TMEM132D: variants seen among roughly 807,000 people sequenced by gnomAD.
TMEM132D encodes transmembrane protein 132D, also known as mature OL transmembrane protein.
In TMEM132D, 21 loss-of-function variants were observed where a neutral mutation model predicts 62.3. That is an observed-to-expected ratio of 0.34 (90% CI 0.24 to 0.49). The LOEUF is 0.49. Ranked by LOEUF, TMEM132D falls within the 20% of genes least tolerant of loss-of-function variation. The pLI is 0.99. For synonymous variants in TMEM132D, 621 were observed against 575.6 expected, an observed-to-expected ratio of 1.08 and a Z score of -1.13; for missense variants, 1,346 against 1,402.8, an observed-to-expected ratio of 0.96 and a Z score of 0.65.
intron 2 of TMEM132D, among the ~76,000 whole-genome samples, chr12:129,568,523 T>C (rs1877427601): frequency 6.6e-6 from 1 of 152,206 alleles, no homozygotes; most frequent in Non-Finnish European, 1.5e-5. Flanking sequence ...TGTGAATGCA[T>C]CTGTTGCTTT....
intron 2 of TMEM132D, among the ~76,000 whole-genome samples, chr12:129,598,749 T>C (rs1261840652): frequency 6.6e-6 from 1 of 152,178 alleles, no homozygotes; most frequent in African/African-American, 2.4e-5. Context: ...AGATCTATGT[T>C]TTGGTAACGA....
rs530786594 is a variant in TMEM132D at position 129,377,396 on chromosome 12, A to T, written c.1116-39579T>A. On this transcript the variant is annotated intron_variant, in intron 3 of 8. Coordinates refer to ENST00000422113, the MANE Select transcript of TMEM132D (RefSeq NM_133448.3). Reference sequence around the variant, plus strand: ...GCTTCTTTGGGGTTTGGGCATTTCCAAGGTGTCATAATTCAAGATGGGGTG... The same window carrying T: ...GCTTCTTTGGGGTTTGGGCATTTCCTAGGTGTCATAATTCAAGATGGGGTG... Among the ~76,000 whole-genome samples the T allele has an allele frequency of 1.4e-4, 22 of 152,312 alleles. No homozygotes were observed. The South Asian group carries it at 4.6e-3, about 32-fold the overall frequency.
intron 4 of TMEM132D, among the ~76,000 whole-genome samples, chr12:129,275,938 T>C (rs767426949): frequency 1.3e-5 from 2 of 152,174 alleles, no homozygotes; most frequent in Non-Finnish European, 2.9e-5. Flanking sequence ...ATTTGGTAGA[T>C]AGGAACAGCG....
At chr12:129,348,969 T>C (rs1002879388) in intron 3 of TMEM132D, among the ~76,000 whole-genome samples, 4 of 152,162 alleles carry the variant, frequency 2.6e-5, no homozygotes, top group Non-Finnish European at 5.9e-5. Flanking sequence ...TTTTCACCCA[T>C]TGTAATGGGC....
chr12:129,614,135 T>C (rs542753504), intron 2 of TMEM132D, among the ~76,000 whole-genome samples: 125 of 152,178 alleles, frequency 8.2e-4, no homozygotes, highest in African/African-American at 2.9e-3. Flanking sequence ...CCCAGGGTAC[T>C]GTCTGGAGAA....
At chr12:129,199,102 CTTTTTTTTTT>C (rs58775767) in intron 5 of TMEM132D, among the ~76,000 whole-genome samples, 1 of 95,830 alleles carries the variant, frequency 1.0e-5, no homozygotes, top group East Asian at 3.4e-4. Context: ...GTCCATCTAC[CTTTTTTTTTT>C]TTTTTTTTTT....
At chr12:129,301,602 C>T (rs1163220130) in intron 4 of TMEM132D, among the ~76,000 whole-genome samples, 1 of 152,180 alleles carries the variant, frequency 6.6e-6, no homozygotes, top group Non-Finnish European at 1.5e-5. Context: ...TCCATAAAGA[C>T]AGTCACAGCA....
intron 2 of TMEM132D, among the ~76,000 whole-genome samples, chr12:129,610,162 T>C (rs1043338260): frequency 6.6e-6 from 1 of 151,800 alleles, no homozygotes; most frequent in Non-Finnish European, 1.5e-5. Flanking sequence ...TCCCAGCTAC[T>C]TCAGGAGGCT....
chr12:129,565,193 C>T (rs1367226613), intron 2 of TMEM132D, among the ~76,000 whole-genome samples: 1 of 152,224 alleles, frequency 6.6e-6, no homozygotes, highest in Non-Finnish European at 1.5e-5. Context: ...ATATTGATCA[C>T]CAGCCCCACA....
chr12:129,117,570 T>C (rs1383668337), intron 5 of TMEM132D, among the ~76,000 whole-genome samples: 2 of 16,400 alleles, frequency 1.2e-4, no homozygotes, highest in South Asian at 6.8e-3. Context: ...ATTATTATCA[T>C]GACCTTAAGA....
At chr12:129,150,461 T>G (rs979970548) in intron 5 of TMEM132D, among the ~76,000 whole-genome samples, 1 of 152,248 alleles carries the variant, frequency 6.6e-6, no homozygotes, top group Non-Finnish European at 1.5e-5. Flanking sequence ...GTTATAATGA[T>G]TTATGGTTTA....
intron 5 of TMEM132D, among the ~76,000 whole-genome samples, chr12:129,177,335 A>G (rs1335406122): frequency 6.6e-6 from 1 of 152,220 alleles, no homozygotes; most frequent in Non-Finnish European, 1.5e-5. Flanking sequence ...TGAAGCATAT[A>G]TTCTACAGAG....
chr12:129,134,759 C>G (rs527515577), intron 5 of TMEM132D, among the ~76,000 whole-genome samples: 1 of 152,254 alleles, frequency 6.6e-6, no homozygotes, highest in East Asian at 1.9e-4. Flanking sequence ...GTGTGGGGCA[C>G]TAGGCAAAGA....
rs561080362 is a variant in TMEM132D, at chr12:129,779,613, G to A, written c.80-78915C>T. 6.7e-4 allele frequency among the ~76,000 whole-genome samples: 102 copies of A among 152,156 alleles called. No individual in the cohort carries two copies. Among genetic ancestry groups the A allele is most frequent in the Non-Finnish European group, 1.2e-3 (80 of 67,970 alleles). ...TTTTGTTATTGTTTTGGGTTTTTTTGTTTGTTTCTTTTGTTTCTTGAAAGG... is the reference window on the plus strand; with the variant it reads ...TTTTGTTATTGTTTTGGGTTTTTTTATTTGTTTCTTTTGTTTCTTGAAAGG... On this transcript the variant is annotated intron_variant, in intron 1 of 8. Transcript: ENST00000422113. The surrounding 1 kb of genome is among the most constrained non-coding windows in gnomAD (Gnocchi z 4.1).
chr12:129,436,345 A>G (rs1872787194), intron 3 of TMEM132D, among the ~76,000 whole-genome samples: 1 of 152,196 alleles, frequency 6.6e-6, no homozygotes, highest in African/African-American at 2.4e-5. Flanking sequence ...AATCATAGCT[A>G]CCGCATGCAT....
chr12:129,309,047 C>A (rs1029310237), intron 4 of TMEM132D, among the ~76,000 whole-genome samples: 5 of 152,240 alleles, frequency 3.3e-5, no homozygotes, highest in African/African-American at 1.2e-4. Context: ...TTCACAGCCT[C>A]AGTTTGCCCA....
At chr12:129,636,415 G>A (rs1226953499) in intron 2 of TMEM132D, among the ~76,000 whole-genome samples, 2 of 152,172 alleles carry the variant, frequency 1.3e-5, no homozygotes, top group Admixed American at 6.6e-5. Flanking sequence ...TTTTCTCAGT[G>A]TTTATATCTC....
At chr12:129,090,240 T>G (rs935319823) in intron 5 of TMEM132D, among the ~76,000 whole-genome samples, 2 of 152,140 alleles carry the variant, frequency 1.3e-5, no homozygotes, top group African/African-American at 2.4e-5. Context: ...TCCAGTGGCT[T>G]TATTATCATC....
At chr12:129,363,095 G>A (rs932603226) in intron 3 of TMEM132D, among the ~76,000 whole-genome samples, 4 of 152,124 alleles carry the variant, frequency 2.6e-5, no homozygotes, top group African/African-American at 4.8e-5. Context: ...AAACACATTC[G>A]GAACAATTTC....
Sources: allele counts gnomAD v4.1 joint callset (sites outside exome capture counted in the v4.1 genomes callset), GRCh38; gene constraint gnomAD v4.1.1; non-coding constraint Gnocchi (gnomAD v3.1); transcripts MANE v1.5; gene names NCBI Gene and HGNC (gene_info 2026-07-23, HGNC 2026-07-21).